NSD3: variants seen among roughly 807,000 people sequenced by gnomAD.
The protein encoded by NSD3 is histone-lysine N-methyltransferase NSD3.
NSD3 carries 24 observed loss-of-function variants against 160.8 expected under a neutral mutation model. The ratio of observed to expected loss-of-function variants is 0.15; its 90% CI spans 0.11 to 0.21. NSD3 has a LOEUF of 0.21. Among genes scored for constraint, NSD3 ranks in the 10% least tolerant of loss-of-function variants. The pLI, the probability that NSD3 is intolerant of heterozygous loss-of-function variation, is 1.00. For synonymous variants in NSD3, 520 were observed against 600.0 expected (o/e 0.87, Z 1.95); for missense variants, 1,157 against 1,735.9 (o/e 0.67, Z 5.93).
At chr8:38,323,452 AC>A (rs1809838126) in intron 7 of NSD3, among the ~76,000 whole-genome samples, 1 of 152,108 alleles carries the variant, frequency 6.6e-6, no homozygotes, top group South Asian at 2.1e-4. Flanking sequence ...AAGAAGTATA[AC>A]CTTCCACTTA....
At chr8:38,314,884 G>A (rs1373822433) in intron 11 of NSD3, 111 bp from the exon 12 acceptor site, 2 of 1,233,860 alleles carry the variant, frequency 1.6e-6, no homozygotes, top group African/African-American at 1.5e-5. Flanking sequence ...CTGTGATTCA[G>A]TAGGTCTGGC....
intron 4 of NSD3, chr8:38,335,846 G>C (rs545788502): frequency 6.6e-6 from 1 of 152,316 alleles, no homozygotes; most frequent in Admixed American, 6.5e-5. Flanking sequence ...TCACTGTGTT[G>C]CTGCTATGAG....
rs368346375 is a variant in NSD3, at chr8:38,304,615, A to G, written c.2583T>C (p.Asn861=). 19 of 1,613,198 alleles carry G rather than the reference A, an allele frequency of 1.2e-5. No homozygotes were observed. In the African/African-American group the frequency reaches 2.0e-4, roughly 17 times the overall value. ...TGGCACAAACGAAACAAAAGCCTAC[A>G]TTTACAGCAGAAGAATTACTGCTCC... The part of the protein sequence containing the change: ...SKRSSNSSAV[N]VGFCFVCARG... Residue 861 remains asparagine (N), a synonymous_variant, in exon 14 of 24, where the codon AAT becomes AAC. Transcript: ENST00000317025.
chr8:38,335,755 T>C lies in NSD3; in HGVS notation c.910+1550A>G, dbSNP rs543138572. Among the ~76,000 whole-genome samples the C allele has an allele frequency of 2.0e-5, 3 of 152,318 alleles. No homozygotes were observed. In the East Asian group the frequency reaches 5.8e-4, roughly 29 times the overall value. ...TTTCCCTGTAATATAAGGCAGTGTT[T>C]AGGAGGAGAGGTTATGAAATTAAGA... On this transcript the variant is annotated intron_variant, in intron 4 of 23. Coordinates refer to ENST00000317025, the MANE Select transcript of NSD3 (RefSeq NM_023034.2).
intron 14 of NSD3, among the ~76,000 whole-genome samples, chr8:38,302,553 T>C (rs1360752054): frequency 1.3e-5 from 2 of 152,216 alleles, no homozygotes; most frequent in Non-Finnish European, 2.9e-5. Context: ...TAAATACAGA[T>C]TCTGTTGTTA....
At chr8:38,336,985 T>C (rs1482235372) in intron 4 of NSD3, among the ~76,000 whole-genome samples, 1 of 151,904 alleles carries the variant, frequency 6.6e-6, no homozygotes, top group Non-Finnish European at 1.5e-5. Context: ...GTATTAAAAA[T>C]ACAAAAACTA....
chr8:38,272,744 C>G lies in NSD3; in HGVS notation c.*2897G>C, dbSNP rs1808513281. The G allele has an allele frequency of 6.6e-6, 1 of 152,238 alleles. No homozygotes were observed. The highest frequency in any genetic ancestry group is 6.5e-5 in the Admixed American group (1 of 15,286). The allele number at this position is 152,238 out of a possible 1,614,324, so 9.4% of individuals were successfully genotyped here. A position where few individuals can be genotyped will look rare whatever the true frequency, so the allele number is the denominator to read the frequency against. On this transcript the variant is annotated 3_prime_UTR_variant, in exon 24 of 24. Coordinates refer to ENST00000317025, the MANE Select transcript of NSD3 (RefSeq NM_023034.2). ...AGAATAAAAACCAGCCACTTACACT[C>G]TGACCACATATAGATTTAAAAGTTA...
intron 15 of NSD3, among the ~76,000 whole-genome samples, chr8:38,298,601 C>G (rs1486297428): frequency 6.6e-6 from 1 of 151,888 alleles, no homozygotes. Flanking sequence ...TTTAAAGATT[C>G]TGAACTTGGC....
chr8:38,316,795 GA>G lies in NSD3; in HGVS notation c.1856-754del. ...AAATAAATAGGAAAAAAAAGGCAGA[GA>G]ATAGTGTGGAATTGTTTTTTTTAAA... On this transcript the variant is annotated intron_variant, in intron 9 of 23. Coordinates refer to ENST00000317025, the MANE Select transcript of NSD3 (RefSeq NM_023034.2). The surrounding 1 kb of genome is among the most constrained non-coding windows in gnomAD (Gnocchi z 4.5). The G allele has an allele frequency of 9.4e-7, 1 of 1,060,708 alleles. No individual in the cohort carries two copies. The allele number at this position is 1,060,708 out of a possible 1,614,324, so 65.7% of individuals were successfully genotyped here.
At chr8:38,301,332 C>T (rs1245823165) in intron 14 of NSD3, among the ~76,000 whole-genome samples, 1 of 152,188 alleles carries the variant, frequency 6.6e-6, no homozygotes, top group Non-Finnish European at 1.5e-5. Context: ...AATCCCAGCA[C>T]TTTGGGAGGC....
intron 2 of NSD3, among the ~76,000 whole-genome samples, chr8:38,342,250 C>T (rs548122570): frequency 6.6e-6 from 1 of 152,156 alleles, no homozygotes; most frequent in East Asian, 1.9e-4. Context: ...ATAAAATGTA[C>T]GTGAGCAAAA....
intron 1 of NSD3, 106 bp from the exon 2 acceptor site, chr8:38,348,321 A>T (rs1810584546): frequency 1.3e-5 from 10 of 773,248 alleles, no homozygotes; most frequent in Non-Finnish European, 2.0e-5. Flanking sequence ...CAATTTTCAT[A>T]TCCAGATATG....
chr8:38,329,921 A>T lies in NSD3; in HGVS notation c.1066-28T>A. On this transcript the variant is annotated intron_variant, in intron 5 of 23. Coordinates refer to ENST00000317025, the MANE Select transcript of NSD3 (RefSeq NM_023034.2). The surrounding 1 kb of genome is among the most constrained non-coding windows in gnomAD (Gnocchi z 4.8). Reference sequence around the variant, plus strand: ...TTAAAAAAGATAGAGATTATCAGACATGCTTTACTCTAATAGGTACATTAA... The same window carrying T: ...TTAAAAAAGATAGAGATTATCAGACTTGCTTTACTCTAATAGGTACATTAA... The T allele has an allele frequency of 1.3e-6, 2 of 1,539,754 alleles. No homozygotes were observed. Among genetic ancestry groups the T allele is most frequent in the Non-Finnish European group, 1.7e-6 (2 of 1,152,540 alleles).
intron 15 of NSD3, among the ~76,000 whole-genome samples, chr8:38,296,909 G>A (rs539473797): frequency 6.6e-4 from 100 of 151,970 alleles, no homozygotes; most frequent in Non-Finnish European, 1.3e-3. Flanking sequence ...CAATTTCTCC[G>A]ATTTTTATTA....
At chr8:38,362,419 A>G (rs915914218) in intron 1 of NSD3, among the ~76,000 whole-genome samples, 2 of 152,202 alleles carry the variant, frequency 1.3e-5, no homozygotes, top group African/African-American at 4.8e-5. Flanking sequence ...GAAAGACCTC[A>G]TAAATGTAAC....
chr8:38,271,439 TCTCCTGG>T lies in NSD3; in HGVS notation c.*4195_*4201del, dbSNP rs1312429217. 1 of 151,924 alleles carries T rather than the reference TCTCCTGG, an allele frequency of 6.6e-6. No homozygotes were observed. Among genetic ancestry groups the T allele is most frequent in the Non-Finnish European group, 1.5e-5 (1 of 67,966 alleles). 9.4% of individuals were successfully genotyped at this position (151,924 alleles called of 1,614,324 possible). A position where few individuals can be genotyped will look rare whatever the true frequency, so the allele number is the denominator to read the frequency against. ...TTACCAGGAGAAAGGGGGTTCCCTT[TCTCCTGG>T]TACCCCACCCCAGGTAAAAGTTGGT... On this transcript the variant is annotated 3_prime_UTR_variant, in exon 24 of 24. Transcript: ENST00000317025.
intron 16 of NSD3, 67 bp from the exon 17 acceptor site, chr8:38,290,744 T>G: frequency 6.5e-7 from 1 of 1,541,970 alleles, no homozygotes. Context: ...TTTACAAGAT[T>G]GGCAGAAGGG....
chr8:38,283,440 C>T (rs1199616088), intron 19 of NSD3, among the ~76,000 whole-genome samples: 3 of 129,322 alleles, frequency 2.3e-5, no homozygotes, highest in Admixed American at 9.1e-5. Flanking sequence ...TCCACTAGCC[C>T]TTCTCATAGC....
At chr8:38,295,728 G>T in intron 16 of NSD3, 68 bp downstream of exon 16, 1 of 1,464,270 alleles carries the variant, frequency 6.8e-7, no homozygotes, top group Non-Finnish European at 9.3e-7. Flanking sequence ...AAGTCACTCT[G>T]TATCCAGAGT....
Sources: allele counts gnomAD v4.1 joint callset (sites outside exome capture counted in the v4.1 genomes callset), GRCh38; gene constraint gnomAD v4.1.1; non-coding constraint Gnocchi (gnomAD v3.1); transcripts MANE v1.5; gene names NCBI Gene and HGNC (gene_info 2026-07-23, HGNC 2026-07-21).